Variants in SCLT1 observed in about 807,000 individuals in gnomAD.
The protein encoded by SCLT1 is sodium channel and clathrin linker 1.
In SCLT1, 78 loss-of-function variants were observed where a neutral mutation model predicts 112.8. That is an observed-to-expected ratio of 0.69 (90% CI 0.58 to 0.83). SCLT1 has a LOEUF of 0.83. SCLT1 is among the 40% of genes least tolerant of loss of function. The pLI, the probability that SCLT1 is intolerant of heterozygous loss-of-function variation, is 0.00. For synonymous variants in SCLT1, 257 were observed against 254.7 expected, an observed-to-expected ratio of 1.01 and a Z score of -0.09; for missense variants, 747 against 770.4, an observed-to-expected ratio of 0.97 and a Z score of 0.36.
At chr4:128,936,094 C>T (rs1737155196) in intron 18 of SCLT1, among the ~76,000 whole-genome samples, 1 of 148,452 alleles carries the variant, frequency 6.7e-6, no homozygotes, top group African/African-American at 2.5e-5. Context: ...CTTCTCTTAC[C>T]CTTGCCTCTT....
At chr4:128,962,459 G>T (rs1268062616) in intron 11 of SCLT1, among the ~76,000 whole-genome samples, 1 of 152,114 alleles carries the variant, frequency 6.6e-6, no homozygotes, top group East Asian at 1.9e-4. Flanking sequence ...TGTATATTAT[G>T]TCTACTGTAT....
chr4:128,896,321 C>T (rs554428301), intron 18 of SCLT1, among the ~76,000 whole-genome samples: 3 of 152,236 alleles, frequency 2.0e-5, no homozygotes, highest in African/African-American at 7.2e-5. Flanking sequence ...TCCTCTGAGA[C>T]AAAATTTCCA....
intron 18 of SCLT1, among the ~76,000 whole-genome samples, chr4:128,916,089 T>G (rs1251977718): frequency 6.6e-6 from 1 of 152,242 alleles, no homozygotes; most frequent in Non-Finnish European, 1.5e-5. Flanking sequence ...TGTATACATC[T>G]GCAGACTGAA....
chr4:129,040,344 G>T, intron 4 of SCLT1: 1 of 597,270 alleles, frequency 1.7e-6, no homozygotes. Flanking sequence ...ATGGCAAGAG[G>T]TTTGGATTTA....
intron 11 of SCLT1, 118 bp downstream of exon 11, chr4:128,965,109 T>C (rs1438882091): frequency 1.7e-6 from 1 of 594,734 alleles, no homozygotes; most frequent in East Asian, 2.9e-5. Flanking sequence ...CACCTATGAT[T>C]ATAGTTTTGA....
At chr4:129,048,583 T>A (rs1748427773) in intron 2 of SCLT1, among the ~76,000 whole-genome samples, 1 of 151,086 alleles carries the variant, frequency 6.6e-6, no homozygotes, top group Non-Finnish European at 1.5e-5. Flanking sequence ...GGACTTCATG[T>A]CTAAAACACC....
At chr4:128,934,021 T>G (rs566365494) in intron 18 of SCLT1, among the ~76,000 whole-genome samples, 2 of 152,106 alleles carry the variant, frequency 1.3e-5, no homozygotes, top group African/African-American at 2.4e-5. Flanking sequence ...CCTATATAAT[T>G]AAGTTAATTT....
intron 2 of SCLT1, among the ~76,000 whole-genome samples, chr4:129,077,714 T>C (rs1268623430): frequency 6.6e-6 from 1 of 152,200 alleles, no homozygotes; most frequent in Non-Finnish European, 1.5e-5. Context: ...ATATATGAGC[T>C]AGCACTCCTG....
chr4:129,076,771 T>C (rs1053085023), intron 2 of SCLT1, among the ~76,000 whole-genome samples: 3 of 152,118 alleles, frequency 2.0e-5, no homozygotes, highest in Non-Finnish European at 4.4e-5. Flanking sequence ...TCTTGAATAT[T>C]TGTCACCTAG....
At chr4:128,931,828 T>C (rs2125976410) in intron 18 of SCLT1, among the ~76,000 whole-genome samples, 1 of 152,360 alleles carries the variant, frequency 6.6e-6, no homozygotes, top group Non-Finnish European at 1.5e-5. Flanking sequence ...CAAATGTATG[T>C]TCCAGTAAAT....
At chr4:129,004,125 TAGAG>T (rs533826928) in intron 5 of SCLT1, among the ~76,000 whole-genome samples, 5 of 150,936 alleles carry the variant, frequency 3.3e-5, no homozygotes, top group Non-Finnish European at 3.0e-5. Flanking sequence ...CAGTTTGTCC[TAGAG>T]AGGTTTCAAT....
intron 2 of SCLT1, among the ~76,000 whole-genome samples, chr4:129,065,009 T>C (rs1295827221): frequency 6.6e-6 from 1 of 152,170 alleles, no homozygotes; most frequent in Non-Finnish European, 1.5e-5. Context: ...TCAACTGTGC[T>C]GTTTAGAACC....
intron 5 of SCLT1, chr4:129,037,258 T>A (rs1351719627): frequency 6.6e-6 from 1 of 152,194 alleles, no homozygotes; most frequent in African/African-American, 2.4e-5. Context: ...CCACTGGCAC[T>A]CATTATTTAT....
At chr4:128,977,661 G>A (rs1741295437) in intron 9 of SCLT1, among the ~76,000 whole-genome samples, 1 of 152,134 alleles carries the variant, frequency 6.6e-6, no homozygotes, top group Admixed American at 6.6e-5. Flanking sequence ...AATTACAGGT[G>A]AAGATAATTA....
intron 18 of SCLT1, among the ~76,000 whole-genome samples, chr4:128,927,589 GA>G (rs1028869294): frequency 6.6e-5 from 10 of 151,680 alleles, no homozygotes; most frequent in Admixed American, 2.6e-4. Flanking sequence ...AAAAAAAAAG[GA>G]AAATAATTTG....
At chr4:129,034,233 AAACATTTACT>A (rs1746990668) in intron 5 of SCLT1, among the ~76,000 whole-genome samples, 1 of 152,156 alleles carries the variant, frequency 6.6e-6, no homozygotes, top group Admixed American at 6.6e-5. Flanking sequence ...AATAGATAAT[AAACATTTACT>A]ATACTGTATT....
At chr4:128,969,348 A>G (rs1303968920) in intron 10 of SCLT1, among the ~76,000 whole-genome samples, 1 of 152,022 alleles carries the variant, frequency 6.6e-6, no homozygotes, top group Non-Finnish European at 1.5e-5. Flanking sequence ...TGAGGCAGGC[A>G]GATCACAAGG....
intron 2 of SCLT1, among the ~76,000 whole-genome samples, chr4:129,077,386 T>C (rs963310284): frequency 1.3e-5 from 2 of 152,184 alleles, no homozygotes; most frequent in Non-Finnish European, 2.9e-5. Context: ...GTAAGGACTT[T>C]AGGACTTTAT....
intron 18 of SCLT1, among the ~76,000 whole-genome samples, chr4:128,899,785 C>T (rs1252579278): frequency 2.0e-5 from 3 of 152,226 alleles, no homozygotes; most frequent in African/African-American, 7.2e-5. Flanking sequence ...CCCACTGTCT[C>T]AGCCCAAAAT....
Sources: allele counts gnomAD v4.1 joint callset (sites outside exome capture counted in the v4.1 genomes callset), GRCh38; gene constraint gnomAD v4.1.1; transcripts MANE v1.5; gene names NCBI Gene and HGNC (gene_info 2026-07-23, HGNC 2026-07-21).